KAZN: variants seen among roughly 807,000 people sequenced by gnomAD.
KAZN encodes kazrin.
A neutral mutation model predicts 87.4 loss-of-function variants in KAZN; 40 were observed. The observed-to-expected ratio is 0.46, with a 90% CI of 0.36 to 0.60. KAZN has a LOEUF of 0.60. KAZN is among the 20% of genes least tolerant of loss of function. The pLI is 0.00. For synonymous variants in KAZN, 466 were observed against 458.3 expected (o/e 1.02, Z -0.22); for missense variants, 898 against 1,073.9 (o/e 0.84, Z 2.29).
At chr1:14,440,828 G>T (rs796966660) in intron 2 of KAZN, among the ~76,000 whole-genome samples, 3 of 152,320 alleles carry the variant, frequency 2.0e-5, no homozygotes, top group African/African-American at 7.2e-5. Context: ...CACTACACAT[G>T]TTAAGTCAGG....
intron 1 of KAZN, among the ~76,000 whole-genome samples, chr1:14,945,586 C>T (rs997686819): frequency 6.6e-6 from 1 of 152,204 alleles, no homozygotes; most frequent in Non-Finnish European, 1.5e-5. Flanking sequence ...GCTCCAGCTC[C>T]GGTGGGGAGA....
intron 1 of KAZN, among the ~76,000 whole-genome samples, chr1:14,941,993 T>C (rs571403489): frequency 2.6e-5 from 4 of 152,344 alleles, no homozygotes; most frequent in African/African-American, 9.6e-5. Flanking sequence ...CAGCCTACAA[T>C]TCCAGAGAGA....
intron 1 of KAZN, among the ~76,000 whole-genome samples, chr1:13,984,112 G>A (rs749829257): frequency 6.6e-6 from 1 of 152,000 alleles, no homozygotes; most frequent in Non-Finnish European, 1.5e-5. Flanking sequence ...CCAGATTCAC[G>A]CAATTCTCCA....
intron 1 of KAZN, among the ~76,000 whole-genome samples, chr1:14,646,150 A>G (rs1475782800): frequency 6.6e-6 from 1 of 152,200 alleles, no homozygotes; most frequent in Non-Finnish European, 1.5e-5. Flanking sequence ...TTTGGGTGAT[A>G]GACCCCGGCC....
At chr1:14,176,631 A>C (rs1282779141) in intron 1 of KAZN, among the ~76,000 whole-genome samples, 1 of 152,090 alleles carries the variant, frequency 6.6e-6, no homozygotes, top group Non-Finnish European at 1.5e-5. Flanking sequence ...AGGATTGTGG[A>C]GTCTTCCCAT....
At chr1:14,609,510 C>G (rs1156908094) in intron 1 of KAZN, among the ~76,000 whole-genome samples, 4 of 152,208 alleles carry the variant, frequency 2.6e-5, no homozygotes, top group Non-Finnish European at 5.9e-5. Flanking sequence ...TACCATGAGT[C>G]AACTCAAAAC....
intron 1 of KAZN, among the ~76,000 whole-genome samples, chr1:14,600,966 G>A (rs373728489): frequency 3.9e-5 from 6 of 152,314 alleles, no homozygotes; most frequent in Middle Eastern, 6.8e-3. Flanking sequence ...ACATACTCGC[G>A]GATGGTTAAA....
intron 2 of KAZN, among the ~76,000 whole-genome samples, chr1:15,001,188 G>A (rs1328684852): frequency 3.3e-5 from 5 of 151,990 alleles, no homozygotes; most frequent in Admixed American, 6.6e-5. Flanking sequence ...ATGCCTGGGC[G>A]TGGTGGTTCA....
chr1:14,140,688 T>C (rs1300022422), intron 1 of KAZN, among the ~76,000 whole-genome samples: 1 of 152,142 alleles, frequency 6.6e-6, no homozygotes, highest in East Asian at 1.9e-4. Context: ...ACGTGTAAGC[T>C]GCTCCACCAC....
chr1:14,114,665 T>A (rs1291841782), intron 1 of KAZN, among the ~76,000 whole-genome samples: 2 of 152,200 alleles, frequency 1.3e-5, no homozygotes, highest in Non-Finnish European at 2.9e-5. Context: ...TTTTCACATA[T>A]CAGGTTGGAA....
intron 1 of KAZN, among the ~76,000 whole-genome samples, chr1:14,088,345 A>C (rs1219182097): frequency 6.6e-6 from 1 of 151,788 alleles, no homozygotes; most frequent in African/African-American, 2.4e-5. Context: ...ATCATTTCTC[A>C]CTTAATTAAA....
chr1:14,570,894 A>T (rs924951981), intron 2 of KAZN, among the ~76,000 whole-genome samples: 5 of 152,190 alleles, frequency 3.3e-5, no homozygotes, highest in Non-Finnish European at 7.3e-5. Context: ...GTTTCAAACG[A>T]CTGTCCTGGC....
At chr1:14,512,045 T>C (rs74059558) in intron 2 of KAZN, among the ~76,000 whole-genome samples, 57 of 152,278 alleles carry the variant, frequency 3.7e-4, no homozygotes, top group African/African-American at 1.3e-3. Context: ...GAGGGCACGC[T>C]GCTGTTTTCC....
chr1:14,826,398 A>G (rs1207415933), intron 1 of KAZN, among the ~76,000 whole-genome samples: 1 of 152,230 alleles, frequency 6.6e-6, no homozygotes, highest in African/African-American at 2.4e-5. Flanking sequence ...TAAACACAGG[A>G]TGAGTCATTG....
rs115710858 is a variant in KAZN, at chr1:14,551,689, G to A, written c.250-47294G>A. 4.3e-3 allele frequency among the ~76,000 whole-genome samples: 652 copies of A among 152,232 alleles called. 7 individuals are homozygous for A. The highest frequency in any genetic ancestry group is 0.015 in the African/African-American group (632 of 41,536). On this transcript the variant is annotated intron_variant, in intron 2 of 16. Transcript: ENST00000636203. Reference sequence around the variant, plus strand: ...GTGGGTGGAGGGAGCGAGGTGAAGCGATTCACAGATTTGAGACATCTAAGC... The same window carrying A: ...GTGGGTGGAGGGAGCGAGGTGAAGCAATTCACAGATTTGAGACATCTAAGC...
At chr1:14,448,262 G>A (rs1667092098) in intron 2 of KAZN, among the ~76,000 whole-genome samples, 1 of 152,224 alleles carries the variant, frequency 6.6e-6, no homozygotes, top group African/African-American at 2.4e-5. Flanking sequence ...GCAGAGCAGG[G>A]ACATGACCTC....
At chr1:14,647,218 A>T (rs961093499) in intron 1 of KAZN, among the ~76,000 whole-genome samples, 2 of 152,204 alleles carry the variant, frequency 1.3e-5, no homozygotes, top group East Asian at 3.8e-4. Flanking sequence ...CGTTGCATGA[A>T]AATATAATGG....
intron 1 of KAZN, among the ~76,000 whole-genome samples, chr1:14,877,983 G>A (rs191777915): frequency 3.9e-5 from 6 of 152,192 alleles, no homozygotes; most frequent in Admixed American, 3.3e-4. Context: ...CAATGATTGT[G>A]GATTGGATTT....
chr1:14,420,671 C>T (rs568697540), intron 2 of KAZN, among the ~76,000 whole-genome samples: 11 of 152,300 alleles, frequency 7.2e-5, no homozygotes, highest in Admixed American at 6.5e-5. Flanking sequence ...TGAGGCCTGG[C>T]GAGAATTCGA....
Sources: gnomAD v4.1 joint callset for allele counts (sites outside exome capture counted in the v4.1 genomes callset) on GRCh38, gnomAD v4.1.1 for gene constraint, MANE v1.5 for transcripts, NCBI Gene and HGNC (gene_info 2026-07-23, HGNC 2026-07-21) for gene names.